The following ZFP1 variants were observed in gnomAD, a reference collection of about 807,000 sequenced individuals.
The protein encoded by ZFP1 is ZFP1 zinc finger protein.
ZFP1 carries 32 observed loss-of-function variants against 38.5 expected under a neutral mutation model. The observed-to-expected ratio is 0.83, with a 90% CI of 0.63 to 1.12. ZFP1 has a LOEUF of 1.12. ZFP1 is among the 50% of genes most tolerant of loss of function. The pLI is 0.00. For synonymous variants in ZFP1, 245 were observed against 168.8 expected, an observed-to-expected ratio of 1.45 and a Z score of -3.50; for missense variants, 616 against 480.8, an observed-to-expected ratio of 1.28 and a Z score of -2.63.
At chr16:75,147,379 G>T (rs1257055188), upstream of ZFP1, among the ~76,000 whole-genome samples, 22 of 152,052 alleles carry the variant, frequency 1.4e-4, no homozygotes, top group Non-Finnish European at 4.4e-5. Context: ...CCAGGCTCAA[G>T]TGATCCTCCC....
At chr16:75,136,070 T>C in the ZFP1 span, among the ~76,000 whole-genome samples, 1 of 152,118 alleles carries the variant, frequency 6.6e-6, no homozygotes, top group Non-Finnish European at 1.5e-5. Flanking sequence ...CCCACCTCTG[T>C]CTCCCAAAGT....
intron 2 of ZFP1, among the ~76,000 whole-genome samples, chr16:75,155,490 C>G (rs547489226): frequency 6.6e-6 from 1 of 152,308 alleles, no homozygotes; most frequent in East Asian, 1.9e-4. Flanking sequence ...ATTTCCATAT[C>G]AGAGCATAGA....
intron 1 of ZFP1, among the ~76,000 whole-genome samples, chr16:75,151,089 G>A (rs968501456): frequency 6.6e-6 from 1 of 151,610 alleles, no homozygotes; most frequent in Non-Finnish European, 1.5e-5. Context: ...AAACCCCTGG[G>A]CTCAAGCAGT....
chr16:75,132,840 A>G, the ZFP1 span, among the ~76,000 whole-genome samples: 2 of 146,048 alleles, frequency 1.4e-5, no homozygotes, highest in African/African-American at 5.0e-5. Context: ...TTTTTTTTTT[A>G]GTAGAGATGA....
At chr16:75,133,126 T>TGC in the ZFP1 span, among the ~76,000 whole-genome samples, 8 of 151,066 alleles carry the variant, frequency 5.3e-5, no homozygotes, top group Non-Finnish European at 8.9e-5. Context: ...TACAGGTGCA[T>TGC]GCCACCACGC....
the ZFP1 span, among the ~76,000 whole-genome samples, chr16:75,120,867 C>T: frequency 1.2e-4 from 18 of 152,090 alleles, no homozygotes; most frequent in Admixed American, 2.0e-4. Flanking sequence ...CCTCATGATC[C>T]GCCCGCCTCA....
the ZFP1 span, among the ~76,000 whole-genome samples, chr16:75,134,743 T>G: frequency 9.1e-6 from 1 of 109,436 alleles, no homozygotes; most frequent in African/African-American, 3.7e-5. Context: ...ACAGCAAGTC[T>G]CCGCCTCAAA....
chr16:75,144,928 C>A (rs1336800735), upstream of ZFP1, among the ~76,000 whole-genome samples: 1 of 152,180 alleles, frequency 6.6e-6, no homozygotes, highest in Non-Finnish European at 1.5e-5. Flanking sequence ...ACTCCTGGGT[C>A]AAGTGATCTT....
chr16:75,124,289 G>A, the ZFP1 span, among the ~76,000 whole-genome samples: 4 of 149,980 alleles, frequency 2.7e-5, no homozygotes, highest in Admixed American at 2.7e-4. Context: ...CTCCCAAGTA[G>A]CTGGGATTAC....
upstream of ZFP1, among the ~76,000 whole-genome samples, chr16:75,144,421 C>G (rs7198880): frequency 0.13 from 19,341 of 152,190 alleles, 1,966 homozygotes; most frequent in East Asian, 0.58. Flanking sequence ...CATATCACCA[C>G]AATTTATTTT....
At chr16:75,144,663 C>A (rs35738398), upstream of ZFP1, among the ~76,000 whole-genome samples, 1 of 151,928 alleles carries the variant, frequency 6.6e-6, no homozygotes, top group Non-Finnish European at 1.5e-5. Context: ...CTCATTATCC[C>A]AAACAGAAAC....
chr16:75,133,641 G>A, the ZFP1 span, among the ~76,000 whole-genome samples: 1 of 152,132 alleles, frequency 6.6e-6, no homozygotes. Context: ...AATTTTGAGT[G>A]GCTATTATAT....
intron 1 of ZFP1, among the ~76,000 whole-genome samples, chr16:75,151,454 G>T (rs1341252324): frequency 6.6e-6 from 1 of 151,014 alleles, no homozygotes; most frequent in Non-Finnish European, 1.5e-5. Context: ...GTCTTAAGTG[G>T]GTCTTTTTTA....
At position 75,170,125 on chromosome 16, in the gene ZFP1, C is replaced by G; in HGVS notation, c.1015C>G (p.Leu339Val). 1 of 1,613,972 alleles carries G rather than the reference C, an allele frequency of 6.2e-7. No homozygotes were observed. The highest frequency in any genetic ancestry group is 8.5e-7 in the Non-Finnish European group (1 of 1,179,928). The change falls in exon 4 of 4, where the codon CTC (leucine) becomes GTC (valine). Residue 339 changes from leucine (L) to valine (V), a missense_variant. By Grantham distance (32) the Leu-to-Val change is conservative. Coordinates refer to ENST00000570010, the MANE Select transcript of ZFP1 (RefSeq NM_153688.4). ...AAAATCCTTTATCCAGAACTCACAGCTCATCATACACATGAGAACTCATAC... is the reference window on the plus strand; with the variant it reads ...AAAATCCTTTATCCAGAACTCACAGGTCATCATACACATGAGAACTCATAC... ...CGKSFIQNSQ[L>V]IIHMRTHTGE... is the part of the protein sequence containing the mutation.
the ZFP1 span, among the ~76,000 whole-genome samples, chr16:75,128,894 T>G: frequency 6.6e-6 from 1 of 152,136 alleles, no homozygotes; most frequent in East Asian, 1.9e-4. Context: ...GGGTTCAAGC[T>G]ATTCTCCTGC....
At chr16:75,168,832 G>A (rs10514390) in intron 3 of ZFP1, among the ~76,000 whole-genome samples, 76,905 of 151,932 alleles carry the variant, frequency 0.51, 20,476 homozygotes, top group East Asian at 0.71. Flanking sequence ...ACTATTAGTC[G>A]AGATCTGCTT....
the ZFP1 span, among the ~76,000 whole-genome samples, chr16:75,138,973 T>A: frequency 1.3e-5 from 2 of 152,024 alleles, no homozygotes; most frequent in Non-Finnish European, 2.9e-5. Context: ...TCTAGGATCT[T>A]CCTCCCCAAA....
the ZFP1 span, among the ~76,000 whole-genome samples, chr16:75,136,613 A>G: frequency 6.6e-6 from 1 of 152,206 alleles, no homozygotes; most frequent in East Asian, 1.9e-4. Context: ...TCAAGCTTGT[A>G]TTCTTAGAAC....
upstream of ZFP1, among the ~76,000 whole-genome samples, chr16:75,146,745 C>G (rs2036951868): frequency 1.3e-5 from 2 of 151,892 alleles, no homozygotes; most frequent in Admixed American, 6.6e-5. Flanking sequence ...TTGAGACGAG[C>G]CTGGGCAACA....
Sources: gnomAD v4.1 joint callset for allele counts (sites outside exome capture counted in the v4.1 genomes callset) on GRCh38, gnomAD v4.1.1 for gene constraint, MANE v1.5 for transcripts, NCBI Gene and HGNC (gene_info 2026-07-23, HGNC 2026-07-21) for gene names.